Variants in CCSER1 observed in about 807,000 individuals in gnomAD.
CCSER1 encodes the protein coiled-coil serine rich protein 1.
A neutral mutation model predicts 82.0 loss-of-function variants in CCSER1; 41 were observed. That is an observed-to-expected ratio of 0.50 (90% CI 0.39 to 0.65). The LOEUF is 0.65. Ranked by LOEUF, CCSER1 falls within the 30% of genes least tolerant of loss-of-function variation. CCSER1 has a pLI of 0.00. For missense variants in CCSER1, 1,119 were observed against 1,064.2 expected, an observed-to-expected ratio of 1.05 and a Z score of -0.72; for synonymous variants, 414 against 383.9, an observed-to-expected ratio of 1.08 and a Z score of -0.92.
intron 6 of CCSER1, among the ~76,000 whole-genome samples, chr4:90,711,682 A>G (rs1004991949): frequency 2.7e-5 from 4 of 150,160 alleles, no homozygotes; most frequent in Non-Finnish European, 4.4e-5. Context: ...GGATGCAGCC[A>G]CTTGATCATG....
intron 9 of CCSER1, among the ~76,000 whole-genome samples, chr4:91,056,221 A>C (rs1447065323): frequency 1.3e-5 from 2 of 151,942 alleles, no homozygotes; most frequent in Non-Finnish European, 2.9e-5. Context: ...TTTTCCTTTG[A>C]GAGGCCATAT....
At chr4:90,384,965 A>G (rs34027685) in intron 3 of CCSER1, among the ~76,000 whole-genome samples, 27,016 of 152,058 alleles carry the variant, frequency 0.18, 3,078 homozygotes, top group East Asian at 0.5. Flanking sequence ...GCCCCAACTT[A>G]TAAGTGAGAA....
chr4:91,174,524 C>T (rs192637596), intron 10 of CCSER1, among the ~76,000 whole-genome samples: 14 of 152,174 alleles, frequency 9.2e-5, no homozygotes, highest in Admixed American at 5.2e-4. Context: ...ATACATGTGC[C>T]ATGGTGCTTT....
chr4:91,043,267 AT>A (rs1258200233), intron 9 of CCSER1, among the ~76,000 whole-genome samples: 1 of 152,108 alleles, frequency 6.6e-6, no homozygotes, highest in Non-Finnish European at 1.5e-5. Context: ...AAAATAAAAA[AT>A]ATCTTAAAAA....
chr4:91,158,438 C>G (rs1349040443), intron 10 of CCSER1, among the ~76,000 whole-genome samples: 2 of 151,922 alleles, frequency 1.3e-5, no homozygotes, highest in Non-Finnish European at 2.9e-5. Context: ...TATCCCTATT[C>G]CAAAAATGTT....
intron 4 of CCSER1, among the ~76,000 whole-genome samples, chr4:90,413,895 G>A (rs1384607945): frequency 7.7e-6 from 1 of 129,962 alleles, no homozygotes; most frequent in Non-Finnish European, 1.6e-5. Flanking sequence ...CTTGCAGTGA[G>A]CCAAGATTGC....
intron 10 of CCSER1, among the ~76,000 whole-genome samples, chr4:91,284,640 C>T (rs1743138761): frequency 1.3e-5 from 2 of 152,162 alleles, no homozygotes; most frequent in South Asian, 4.1e-4. Context: ...CCATGTCTTT[C>T]CTCTTTTCCC....
chr4:90,692,688 C>G (rs939416697), intron 6 of CCSER1, among the ~76,000 whole-genome samples: 1 of 148,872 alleles, frequency 6.7e-6, no homozygotes, highest in African/African-American at 2.4e-5. Flanking sequence ...TAGAATAATT[C>G]AATACCATGA....
At chr4:90,559,444 G>T (rs1308350084) in intron 5 of CCSER1, among the ~76,000 whole-genome samples, 1 of 152,036 alleles carries the variant, frequency 6.6e-6, no homozygotes, top group Non-Finnish European at 1.5e-5. Flanking sequence ...GTAAGGTGGG[G>T]GACTTGGCCT....
chr4:90,857,882 G>A (rs142744830), intron 8 of CCSER1, among the ~76,000 whole-genome samples: 1 of 152,048 alleles, frequency 6.6e-6, no homozygotes, highest in Admixed American at 6.6e-5. Flanking sequence ...GTAGATTGCA[G>A]CTGCTCTTGC....
chr4:91,387,890 C>T (rs983444354), intron 10 of CCSER1, among the ~76,000 whole-genome samples: 2 of 151,990 alleles, frequency 1.3e-5, no homozygotes, highest in Admixed American at 6.6e-5. Flanking sequence ...CTACATTTTG[C>T]CTATTGTTTT....
intron 6 of CCSER1, among the ~76,000 whole-genome samples, chr4:90,719,555 G>A (rs1742307039): frequency 6.6e-6 from 1 of 151,996 alleles, no homozygotes; most frequent in African/African-American, 2.4e-5. Flanking sequence ...ATTGTTGTTC[G>A]CCATGCTTTC....
chr4:90,296,866 A>T (rs1220820656), intron 1 of CCSER1, among the ~76,000 whole-genome samples: 1 of 152,188 alleles, frequency 6.6e-6, no homozygotes, highest in African/African-American at 2.4e-5. Flanking sequence ...GTGTTTTGGT[A>T]CCAGTACCAT....
chr4:91,551,767 T>A (rs1413748168), intron 10 of CCSER1, among the ~76,000 whole-genome samples: 1 of 149,564 alleles, frequency 6.7e-6, no homozygotes, highest in African/African-American at 2.5e-5. Context: ...ATTATTCTTT[T>A]ATTAATTTAT....
At chr4:90,240,411 C>T (rs142496754) in intron 1 of CCSER1, among the ~76,000 whole-genome samples, 5 of 152,140 alleles carry the variant, frequency 3.3e-5, no homozygotes, top group East Asian at 3.9e-4. Context: ...AGCAACCACA[C>T]GTTCTTATAC....
intron 9 of CCSER1, among the ~76,000 whole-genome samples, chr4:91,006,134 G>C (rs1051665408): frequency 2.0e-5 from 3 of 151,920 alleles, no homozygotes; most frequent in Admixed American, 2.0e-4. Flanking sequence ...TCTGATAAAG[G>C]TTGTATTGAA....
At chr4:91,166,199 G>A (rs1732047409) in intron 10 of CCSER1, among the ~76,000 whole-genome samples, 1 of 152,144 alleles carries the variant, frequency 6.6e-6, no homozygotes, top group African/African-American at 2.4e-5. Context: ...ATTGATAAAT[G>A]ATATTTCAAG....
At chr4:90,267,063 C>T (rs1725368021) in intron 1 of CCSER1, among the ~76,000 whole-genome samples, 1 of 151,984 alleles carries the variant, frequency 6.6e-6, no homozygotes, top group African/African-American at 2.4e-5. Context: ...TAGGCTTTGG[C>T]TTTTGGACAG....
chr4:90,656,517 T>C (rs1729734594), intron 6 of CCSER1, among the ~76,000 whole-genome samples: 1 of 151,868 alleles, frequency 6.6e-6, no homozygotes, highest in African/African-American at 2.4e-5. Context: ...TCCATTCTTT[T>C]ATTTTTGTTT....
Sources: gnomAD v4.1 joint callset for allele counts (sites outside exome capture counted in the v4.1 genomes callset) on GRCh38, gnomAD v4.1.1 for gene constraint, MANE v1.5 for transcripts, NCBI Gene and HGNC (gene_info 2026-07-23, HGNC 2026-07-21) for gene names.